MAP4: variants seen among roughly 807,000 people sequenced by gnomAD.
MAP4 encodes microtubule-associated protein 4.
In MAP4, 76 loss-of-function variants were observed where a neutral mutation model predicts 170.2. The ratio of observed to expected loss-of-function variants is 0.45; its 90% CI spans 0.37 to 0.54. MAP4 has a LOEUF of 0.54. Ranked by LOEUF, MAP4 falls within the 20% of genes least tolerant of loss-of-function variation. The probability of loss-of-function intolerance (pLI) is 0.00; values close to 1 mark genes in which losing one functional copy is unlikely to be tolerated. For synonymous variants in MAP4, 909 were observed against 994.5 expected (o/e 0.91, Z 1.62); for missense variants, 2,506 against 2,748.0 (o/e 0.91, Z 1.97).
chr3:48,022,620 G>A (rs2100111096), intron 1 of MAP4, among the ~76,000 whole-genome samples: 1 of 152,210 alleles, frequency 6.6e-6, no homozygotes, highest in African/African-American at 2.4e-5. Flanking sequence ...GCTGGGCGTG[G>A]TGGCTCATGC....
intron 4 of MAP4, among the ~76,000 whole-genome samples, chr3:47,925,937 C>T (rs1446940099): frequency 6.6e-6 from 1 of 152,192 alleles, no homozygotes; most frequent in Admixed American, 6.5e-5. Context: ...TCACTGCAAC[C>T]TCTGCCTCCC....
intron 3 of MAP4, among the ~76,000 whole-genome samples, chr3:47,951,762 C>T (rs572439003): frequency 2.0e-5 from 3 of 152,070 alleles, no homozygotes; most frequent in South Asian, 2.1e-4. Flanking sequence ...AGCCTCTGCC[C>T]GGCAGCCACC....
At chr3:47,918,355 A>C (rs1229840872) in intron 6 of MAP4, among the ~76,000 whole-genome samples, 1 of 151,858 alleles carries the variant, frequency 6.6e-6, no homozygotes, top group Non-Finnish European at 1.5e-5. Context: ...CCTGACCTCA[A>C]GTGATCTGCC....
At chr3:47,998,900 C>T in intron 1 of MAP4, 21 bp from the exon 2 acceptor site, 6 of 1,394,854 alleles carry the variant, frequency 4.3e-6, no homozygotes, top group Non-Finnish European at 6.1e-6. Flanking sequence ...GGAAAAAGAT[C>T]TTTCATGTAA....
rs1293839237 is a variant in MAP4 at position 47,851,617 on chromosome 3, A to G, written c.*1317T>C. ...CTTTAATACAAAAAATACAAGTGCA[A>G]TAAGAATCTTTGTGTCAATACAGTT... On this transcript the variant is annotated 3_prime_UTR_variant, in exon 21 of 21. Transcript: ENST00000683076. 2.6e-5 allele frequency: 4 copies of G among 152,238 alleles called. No homozygotes were observed. The highest frequency in any genetic ancestry group is 4.4e-5 in the Non-Finnish European group (3 of 68,052). The allele number at this position is 152,238 out of a possible 1,614,324, so 9.4% of individuals were successfully genotyped here.
At position 47,855,879 on chromosome 3, in the gene MAP4, T is replaced by C. The variant is rs2055031136; in HGVS notation, c.6584-519A>G. Among the ~76,000 whole-genome samples, 1 of 152,038 alleles carries C rather than the reference T, an allele frequency of 6.6e-6. No individual in the cohort carries two copies. Among genetic ancestry groups the C allele is most frequent in the South Asian group, 2.1e-4 (1 of 4,828 alleles). On this transcript the variant is annotated intron_variant, in intron 18 of 20. Coordinates refer to ENST00000683076, the MANE Select transcript of MAP4 (RefSeq NM_001385682.1). This position sits in a 1 kb window ranked among gnomAD's most constrained non-coding sequence, Gnocchi z 5.1. ...CAATCTGCTGATTGACAGTGACAGG[T>C]TGTGAAAATTGTCTGAGACCCTAAA... is the stretch of plus-strand genomic sequence containing the variant.
rs552576386 is a variant in MAP4 at position 48,070,147 on chromosome 3, C to CT, written c.-20+18625dup. Among the ~76,000 whole-genome samples the CT allele has an allele frequency of 6.2e-4, 91 of 146,712 alleles. 1 individual carries two copies. In the South Asian group the frequency reaches 8.0e-3, roughly 13 times the overall value. ...ACCATGGCTAGATAATTTTTTTTAA[C>CT]TTTTTTTTTTTCAGAGATGGGGTCT... On this transcript the variant is annotated intron_variant, in intron 1 of 18. Coordinates refer to the MAP4 transcript ENST00000360240.
intron 1 of MAP4, among the ~76,000 whole-genome samples, chr3:48,069,690 G>T (rs144057783): frequency 6.6e-6 from 1 of 152,146 alleles, no homozygotes; most frequent in African/African-American, 2.4e-5. Context: ...CCCTATTATT[G>T]TTATCTTATT....
At chr3:47,913,416 T>C (rs1187931889) in intron 8 of MAP4, among the ~76,000 whole-genome samples, 2 of 152,220 alleles carry the variant, frequency 1.3e-5, no homozygotes, top group African/African-American at 2.4e-5. Context: ...GCTCAAAAAA[T>C]TGCTAGGCTA....
chr3:47,920,825 T>G (rs530993645), intron 5 of MAP4, among the ~76,000 whole-genome samples: 1 of 152,330 alleles, frequency 6.6e-6, no homozygotes, highest in African/African-American at 2.4e-5. Context: ...GTGCTAGGGT[T>G]ACAGGCATGA....
At chr3:47,990,489 ACTT>A in intron 2 of MAP4, among the ~76,000 whole-genome samples, 1 of 152,322 alleles carries the variant, frequency 6.6e-6, no homozygotes, top group Admixed American at 6.5e-5. Flanking sequence ...CCCTGTGTTA[ACTT>A]CTTATTCTAT....
At chr3:47,873,526 G>C (rs1164833135) in intron 12 of MAP4, among the ~76,000 whole-genome samples, 2 of 152,182 alleles carry the variant, frequency 1.3e-5, no homozygotes, top group Non-Finnish European at 2.9e-5. Flanking sequence ...AGAAATTAAG[G>C]GCTGGCATCC....
At chr3:47,977,640 C>A (rs942775745) in intron 3 of MAP4, among the ~76,000 whole-genome samples, 2 of 152,198 alleles carry the variant, frequency 1.3e-5, no homozygotes, top group African/African-American at 4.8e-5. Flanking sequence ...TGTGGTACAG[C>A]TCCAATAAAT....
At chr3:47,872,357 G>A (rs1029679617) in intron 12 of MAP4, among the ~76,000 whole-genome samples, 9 of 152,046 alleles carry the variant, frequency 5.9e-5, no homozygotes, top group African/African-American at 1.9e-4. Context: ...CTAATTTTTT[G>A]TATTTTTAGT....
intron 3 of MAP4, chr3:47,960,229 T>C (rs1026387151): frequency 1.1e-5 from 2 of 174,594 alleles, no homozygotes; most frequent in Admixed American, 1.2e-4. Context: ...TTAATGATTA[T>C]AGTTTTGTTT....
At chr3:48,019,402 A>G (rs1422158590), upstream of MAP4, among the ~76,000 whole-genome samples, 4 of 152,196 alleles carry the variant, frequency 2.6e-5, no homozygotes, top group Admixed American at 2.6e-4. Flanking sequence ...TAATATGATC[A>G]TATAAATATT....
At chr3:48,042,576 G>A (rs906449265) in intron 1 of MAP4, among the ~76,000 whole-genome samples, 3 of 152,138 alleles carry the variant, frequency 2.0e-5, no homozygotes, top group East Asian at 1.9e-4. Context: ...ACACCCAGTA[G>A]CATGACTAAA....
At position 47,912,248 on chromosome 3, in the gene MAP4, C is replaced by G. The variant is rs901731211; in HGVS notation, c.2173G>C (p.Gly725Arg). ...CAGGAGGATGAACCAGAGACCCAAC[C>G]TGACTCAGACAAAGAGCAGTGGCCC... Reference protein sequence around the residue: ...RLGHCSLSESGWVSGSSSCGG... With the variant: ...RLGHCSLSESRWVSGSSSCGG... Residue 725 changes from glycine (G) to arginine (R), a missense_variant, in exon 9 of 21, where the codon GGT (glycine) becomes CGT (arginine). Physicochemically the swap from Gly to Arg is moderately radical, Grantham distance 125. This residue lies in a region of MAP4 where 2,008 missense variants were observed against 2,206.0 expected (regional missense o/e 0.91). Transcript: ENST00000683076. The G allele has an allele frequency of 1.3e-6, 2 of 1,536,004 alleles. No individual in the cohort carries two copies. Among genetic ancestry groups the G allele is most frequent in the Non-Finnish European group, 1.7e-6 (2 of 1,146,918 alleles).
At chr3:47,950,539 C>A (rs1335190225) in intron 3 of MAP4, among the ~76,000 whole-genome samples, 4 of 151,756 alleles carry the variant, frequency 2.6e-5, no homozygotes, top group Non-Finnish European at 4.4e-5. Context: ...AACAGTTCAC[C>A]TCATTGGTTG....
Sources: allele counts gnomAD v4.1 joint callset (sites outside exome capture counted in the v4.1 genomes callset), GRCh38; gene constraint gnomAD v4.1.1; regional missense constraint gnomAD v4.1.1; non-coding constraint Gnocchi (gnomAD v3.1); transcripts MANE v1.5; gene names NCBI Gene and HGNC (gene_info 2026-07-23, HGNC 2026-07-21).